PRSS3: variants seen among roughly 807,000 people sequenced by gnomAD.
The protein encoded by PRSS3 is trypsin-3.
PRSS3 carries 14 observed loss-of-function variants against 20.8 expected under a neutral mutation model. The ratio of observed to expected loss-of-function variants is 0.67; its 90% CI spans 0.44 to 1.05. PRSS3 has a LOEUF of 1.05. PRSS3 is among the 50% of genes least tolerant of loss of function. The pLI, the probability that PRSS3 is intolerant of heterozygous loss-of-function variation, is 0.00. For missense variants in PRSS3, 237 were observed against 306.4 expected (o/e 0.77, Z 1.69); for synonymous variants, 91 against 117.6 (o/e 0.77, Z 1.46).
At chr9:33,756,942 A>G (rs1398387987) in intron 1 of PRSS3, among the ~76,000 whole-genome samples, 2 of 152,172 alleles carry the variant, frequency 1.3e-5, no homozygotes, top group Admixed American at 1.3e-4. Flanking sequence ...ATGGTTTGTA[A>G]GTTGGCTGGC....
chr9:33,797,618 C>T (rs1395567964), intron 2 of PRSS3, among the ~76,000 whole-genome samples: 1 of 152,268 alleles, frequency 6.6e-6, no homozygotes, highest in Non-Finnish European at 1.5e-5. Context: ...CTCTTCCCCA[C>T]CCCACTACCA....
chr9:33,795,027 C>G (rs1211692733), upstream of PRSS3, among the ~76,000 whole-genome samples: 1 of 145,158 alleles, frequency 6.9e-6, no homozygotes, highest in Admixed American at 7.0e-5. Context: ...TTCTGGATAC[C>G]CAAAGTCTTG....
intron 1 of PRSS3, among the ~76,000 whole-genome samples, chr9:33,752,017 G>T (rs116924084): frequency 6.6e-6 from 1 of 152,172 alleles, no homozygotes; most frequent in Non-Finnish European, 1.5e-5. Flanking sequence ...TAAGCAAAAG[G>T]TGAGGCATGA....
intron 1 of PRSS3, among the ~76,000 whole-genome samples, chr9:33,778,980 T>C (rs1824063177): frequency 6.6e-6 from 1 of 152,172 alleles, no homozygotes; most frequent in Non-Finnish European, 1.5e-5. Context: ...AAAATTATCA[T>C]GCTAATTATA....
intron 1 of PRSS3, among the ~76,000 whole-genome samples, chr9:33,777,230 C>T (rs1165074584): frequency 1.3e-5 from 2 of 151,964 alleles, no homozygotes; most frequent in African/African-American, 4.8e-5. Flanking sequence ...GTAAAGTTAT[C>T]TGAATATAAA....
chr9:33,768,670 A>G (rs188053314), intron 1 of PRSS3, among the ~76,000 whole-genome samples: 1 of 152,090 alleles, frequency 6.6e-6, no homozygotes, highest in African/African-American at 2.4e-5. Context: ...CAGCCTGGCC[A>G]ACATGGTGAA....
rs1166110575 is a variant in PRSS3, at chr9:33,798,247, G to A, written c.454+165G>A. 3.5e-6 allele frequency: 5 copies of A among 1,422,750 alleles called. No individual in the cohort carries two copies. In the East Asian group the frequency reaches 1.2e-4, roughly 34 times the overall value. The allele number at this position is 1,422,750 out of a possible 1,614,324, so 88.1% of individuals were successfully genotyped here. A position where few individuals can be genotyped will look rare whatever the true frequency, so the allele number is the denominator to read the frequency against. ...CACCAGAGAGATGCAAAGTCTCAAG[G>A]ACTTGGCTCCTAAAATCAAGAGATA... On this transcript the variant is annotated intron_variant, in intron 3 of 4. Transcript: ENST00000379405.
Position 33,799,077 on chromosome 9 carries a change from T to A in PRSS3, c.641T>A (p.Val214Asp), listed in dbSNP as rs752059035. The change falls in exon 5 of 5, where the codon GTC becomes GAC. Residue 214 changes from valine to aspartate, a missense_variant. Val to Asp is a radical substitution (Grantham distance 152). Transcript: ENST00000379405. ...VVCNGQLQGV[V>D]SWGHGCAWKN... ...TGCAACGGACAGCTCCAAGGAGTTG[T>A]CTCCTGGGGCCATGGCTGTGCCTGG... 2 of 1,614,204 alleles carry A rather than the reference T, an allele frequency of 1.2e-6. No individual in the cohort carries two copies. The highest frequency in any genetic ancestry group is 2.2e-5 in the South Asian group (2 of 91,086).
rs1822657159 is a variant in PRSS3, at chr9:33,750,844, C to A, written c.-53+117C>A. On this transcript the variant is annotated intron_variant, in intron 1 of 5. Coordinates refer to the PRSS3 transcript ENST00000342836. The surrounding 1 kb of genome is among the most constrained non-coding windows in gnomAD (Gnocchi z 4.8). ...GGGGTTCCGACTCGCATGGGACCTG[C>A]GGGGGAGGGTACGCGGACAGGGAGG... 1.5e-6 allele frequency: 2 copies of A among 1,367,438 alleles called. No individual in the cohort carries two copies. The highest frequency in any genetic ancestry group is 1.9e-6 in the Non-Finnish European group (2 of 1,065,594). 84.7% of individuals were successfully genotyped at this position (1,367,438 alleles called of 1,614,324 possible). A position where few individuals can be genotyped will look rare whatever the true frequency, so the allele number is the denominator to read the frequency against.
At chr9:33,766,049 G>A (rs1264063971) in intron 1 of PRSS3, among the ~76,000 whole-genome samples, 1 of 151,108 alleles carries the variant, frequency 6.6e-6, no homozygotes, top group Non-Finnish European at 1.5e-5. Flanking sequence ...GGCAGATCAC[G>A]AGGTCACCAG....
intron 1 of PRSS3, among the ~76,000 whole-genome samples, chr9:33,769,391 G>A (rs1465260159): frequency 4.6e-5 from 7 of 152,154 alleles, no homozygotes; most frequent in Admixed American, 3.3e-4. Flanking sequence ...CAGAGATGTG[G>A]TTTTCCCAGG....
upstream of PRSS3, chr9:33,794,649 C>T (rs1247407148): frequency 7.1e-7 from 1 of 1,399,490 alleles, no homozygotes; most frequent in South Asian, 1.6e-5. Flanking sequence ...CCAGATTTAC[C>T]ATGGTCCAAA....
intron 1 of PRSS3, among the ~76,000 whole-genome samples, chr9:33,770,939 A>G (rs1178599342): frequency 6.6e-6 from 1 of 152,224 alleles, no homozygotes; most frequent in Non-Finnish European, 1.5e-5. Context: ...AGAAAGGGCC[A>G]GTCACAAAAG....
intron 1 of PRSS3, among the ~76,000 whole-genome samples, chr9:33,768,205 C>G (rs1447507198): frequency 5.9e-5 from 9 of 152,162 alleles, no homozygotes. Flanking sequence ...ATTAGCTGGG[C>G]GCTGTGGCTC....
chr9:33,786,206 G>A, intron 1 of PRSS3: 1 of 509,228 alleles, frequency 2.0e-6, no homozygotes, highest in South Asian at 2.4e-5. Flanking sequence ...TCAGGGGAGA[G>A]GCCATCACTT....
chr9:33,794,707 C>T (rs928939945), upstream of PRSS3: 1 of 1,518,558 alleles, frequency 6.6e-7, no homozygotes, highest in African/African-American at 1.4e-5. Flanking sequence ...GGCTGTCAGC[C>T]CTGAGCAGGT....
intron 1 of PRSS3, among the ~76,000 whole-genome samples, chr9:33,787,068 C>T (rs1020369731): frequency 6.6e-6 from 1 of 152,178 alleles, no homozygotes; most frequent in Non-Finnish European, 1.5e-5. Context: ...GGAAGAGTGG[C>T]TCCTGGAAAG....
intron 1 of PRSS3, among the ~76,000 whole-genome samples, chr9:33,763,422 G>T (rs71519291): frequency 6.6e-6 from 1 of 152,152 alleles, no homozygotes; most frequent in Non-Finnish European, 1.5e-5. Flanking sequence ...GGTGGAGGCC[G>T]GGCGTGGTGG....
chr9:33,787,475 G>A (rs562533480), intron 1 of PRSS3, among the ~76,000 whole-genome samples: 2 of 152,324 alleles, frequency 1.3e-5, no homozygotes, highest in Non-Finnish European at 2.9e-5. Context: ...CTGCACCTTA[G>A]ATCATCTACC....
Sources: gnomAD v4.1 joint callset for allele counts (sites outside exome capture counted in the v4.1 genomes callset) on GRCh38, gnomAD v4.1.1 for gene constraint, Gnocchi (gnomAD v3.1) non-coding constraint, MANE v1.5 for transcripts, NCBI Gene and HGNC (gene_info 2026-07-23, HGNC 2026-07-21) for gene names.